Variants in LYN observed in about 807,000 individuals in gnomAD.
LYN encodes the protein LYN proto-oncogene, Src family tyrosine kinase, also known as tyrosine-protein kinase Lyn.
In LYN, 12 loss-of-function variants were observed where a neutral mutation model predicts 65.0. That is an observed-to-expected ratio of 0.18 (90% confidence interval 0.12 to 0.30). LYN has a LOEUF of 0.30. LYN is among the 10% of genes least tolerant of loss of function. The pLI is 1.00. For missense variants in LYN, 380 were observed against 623.2 expected (o/e 0.61, Z 4.16); for synonymous variants, 222 against 221.2 (o/e 1.00, Z -0.03).
At chr8:55,918,539 A>G (rs1031561473) in intron 1 of LYN, among the ~76,000 whole-genome samples, 7 of 152,262 alleles carry the variant, frequency 4.6e-5, no homozygotes, top group Admixed American at 3.3e-4. Context: ...AAGTGAATCA[A>G]GAAGACAGAT....
At chr8:55,959,786 G>T (rs1043759760) in intron 8 of LYN, among the ~76,000 whole-genome samples, 10 of 151,702 alleles carry the variant, frequency 6.6e-5, no homozygotes, top group Admixed American at 1.3e-4. Context: ...AATAAAATGT[G>T]GTGTATTCAT....
At chr8:55,960,148 T>A (rs1244592486) in intron 8 of LYN, among the ~76,000 whole-genome samples, 1 of 152,208 alleles carries the variant, frequency 6.6e-6, no homozygotes, top group Non-Finnish European at 1.5e-5. Context: ...ATACTTTAAA[T>A]GGGTAAATGA....
At chr8:55,939,060 C>T (rs1806521574) in intron 1 of LYN, among the ~76,000 whole-genome samples, 1 of 152,154 alleles carries the variant, frequency 6.6e-6, no homozygotes, top group South Asian at 2.1e-4. Flanking sequence ...GAACATGTAA[C>T]CACTCTCAGT....
intron 2 of LYN, among the ~76,000 whole-genome samples, chr8:55,942,596 C>A (rs1806655743): frequency 6.6e-6 from 1 of 151,030 alleles, no homozygotes; most frequent in Admixed American, 6.6e-5. Flanking sequence ...ACCAGCCTGG[C>A]CAACATAGTG....
rs78965273 is a variant in LYN, at chr8:55,971,956, G to C, written c.1050+2163G>C. On this transcript the variant is annotated intron_variant, in intron 10 of 12. Transcript: ENST00000519728. ...GTGCTGTGGATTCCAGGGGGCTTCA[G>C]TTGACTCTCCTGTCAACTGATGGGG... Among the ~76,000 whole-genome samples, 515 of 152,278 alleles carry C rather than the reference G, an allele frequency of 3.4e-3. 1 individual carries two copies. The highest frequency in any genetic ancestry group is 0.011 in the African/African-American group (467 of 41,548).
At chr8:55,882,392 A>T (rs1331619739) in intron 1 of LYN, among the ~76,000 whole-genome samples, 1 of 152,240 alleles carries the variant, frequency 6.6e-6, no homozygotes, top group Admixed American at 6.5e-5. Flanking sequence ...CACCAAAAAC[A>T]TCTGAGATTC....
Position 55,943,050 on chromosome 8 carries a change from T to G in LYN, c.132+1059T>G, listed in dbSNP as rs111282776. ...TAGAGAAATAGCTGGACTAGAAATA[T>G]TTTATGAGTGATGTGCTATTTGGTG... On this transcript the variant is annotated intron_variant, in intron 2 of 12. Coordinates refer to ENST00000519728, the MANE Select transcript of LYN (RefSeq NM_002350.4). Among the ~76,000 whole-genome samples the G allele has an allele frequency of 1.1e-3, 175 of 152,268 alleles. 2 individuals are homozygous for G. The highest frequency in any genetic ancestry group is 4.0e-3 in the African/African-American group (167 of 41,552).
intron 12 of LYN, among the ~76,000 whole-genome samples, chr8:56,001,859 AGGTGATTG>A (rs1808521446): frequency 6.6e-6 from 1 of 152,168 alleles, no homozygotes; most frequent in Non-Finnish European, 1.5e-5. Flanking sequence ...GGCTTGGAGA[AGGTGATTG>A]GGCCCCTCGC....
At chr8:55,994,331 T>A (rs1808318105) in intron 10 of LYN, among the ~76,000 whole-genome samples, 1 of 152,242 alleles carries the variant, frequency 6.6e-6, no homozygotes, top group East Asian at 1.9e-4. Flanking sequence ...TTTCTAATCC[T>A]GTCTTGGTGA....
intron 10 of LYN, among the ~76,000 whole-genome samples, chr8:55,970,861 A>G (rs890760465): frequency 2.6e-5 from 4 of 152,218 alleles, no homozygotes; most frequent in African/African-American, 9.7e-5. Flanking sequence ...TATTTGGGCT[A>G]CTTTATTCAC....
chr8:55,914,311 C>G (rs1043483557), intron 1 of LYN, among the ~76,000 whole-genome samples: 1 of 151,966 alleles, frequency 6.6e-6, no homozygotes, highest in Non-Finnish European at 1.5e-5. Flanking sequence ...CTAAGGGGGC[C>G]AGTCCTGCTG....
intron 10 of LYN, among the ~76,000 whole-genome samples, chr8:55,978,497 A>T (rs1233002613): frequency 6.6e-6 from 1 of 152,224 alleles, no homozygotes; most frequent in Non-Finnish European, 1.5e-5. Context: ...TAGCGTGGAC[A>T]GGCATTTTAG....
At chr8:55,907,822 G>A (rs1030160135) in intron 1 of LYN, among the ~76,000 whole-genome samples, 2 of 151,850 alleles carry the variant, frequency 1.3e-5, no homozygotes, top group Non-Finnish European at 2.9e-5. Context: ...GCTGTAATAG[G>A]GCCACTGCAC....
At chr8:55,891,859 T>C (rs1804971625) in intron 1 of LYN, among the ~76,000 whole-genome samples, 1 of 152,196 alleles carries the variant, frequency 6.6e-6, no homozygotes, top group Admixed American at 6.5e-5. Context: ...GGGTGTTCAC[T>C]TTTTTGGCAG....
rs1199073443 is a variant in LYN, at chr8:56,013,220, G to T, written c.*3110G>T. 6.6e-6 allele frequency: 1 copy of T among 151,754 alleles called. No individual in the cohort carries two copies. The highest frequency in any genetic ancestry group is 1.5e-5 in the Non-Finnish European group (1 of 68,024). 9.4% of individuals were successfully genotyped at this position (151,754 alleles called of 1,614,324 possible). On this transcript the variant is annotated 3_prime_UTR_variant, in exon 13 of 13. Transcript: ENST00000519728. ...ATCGAGGGCACTGAAAGCATCATAA[G>T]TATAAACTCATCTCCACGTCAGCTT... is the stretch of plus-strand genomic sequence containing the variant.
At chr8:55,915,519 A>G (rs1051595344) in intron 1 of LYN, among the ~76,000 whole-genome samples, 3 of 152,130 alleles carry the variant, frequency 2.0e-5, no homozygotes, top group African/African-American at 7.2e-5. Flanking sequence ...AGCCTGGTCA[A>G]CATGGTGAAA....
chr8:55,945,012 CT>C (rs1402747237), intron 2 of LYN, among the ~76,000 whole-genome samples: 1 of 152,184 alleles, frequency 6.6e-6, no homozygotes, highest in Non-Finnish European at 1.5e-5. Flanking sequence ...GCCAGTTAGC[CT>C]GGCCTTATTC....
At chr8:55,996,741 T>C (rs1808379942) in intron 10 of LYN, among the ~76,000 whole-genome samples, 1 of 152,202 alleles carries the variant, frequency 6.6e-6, no homozygotes, top group South Asian at 2.1e-4. Flanking sequence ...GGAACGATAC[T>C]ACACTTTCTA....
intron 8 of LYN, among the ~76,000 whole-genome samples, chr8:55,964,700 C>T (rs1807396571): frequency 6.6e-6 from 1 of 152,082 alleles, no homozygotes; most frequent in South Asian, 2.1e-4. Context: ...AACCCTGTCT[C>T]TCCTGGAAAA....
Sources: allele counts gnomAD v4.1 joint callset (sites outside exome capture counted in the v4.1 genomes callset), GRCh38; gene constraint gnomAD v4.1.1; transcripts MANE v1.5; gene names NCBI Gene and HGNC (gene_info 2026-07-23, HGNC 2026-07-21).